The following NCKAP5 variants were observed in gnomAD, a reference collection of about 807,000 sequenced individuals.
NCKAP5 encodes the protein nck-associated protein 5.
Under a neutral mutation model 167.0 loss-of-function variants are expected in NCKAP5, and 92 were observed. That is an observed-to-expected ratio of 0.55 (90% CI 0.47 to 0.66). NCKAP5 has a LOEUF of 0.66. NCKAP5 is among the 30% of genes least tolerant of loss of function. The pLI is 0.00. For synonymous variants in NCKAP5, 891 were observed against 877.4 expected, an observed-to-expected ratio of 1.02 and a Z score of -0.27; for missense variants, 2,378 against 2,315.0, an observed-to-expected ratio of 1.03 and a Z score of -0.56.
At chr2:132,811,862 C>A (rs1411873403) in intron 11 of NCKAP5, among the ~76,000 whole-genome samples, 1 of 152,202 alleles carries the variant, frequency 6.6e-6, no homozygotes, top group Admixed American at 6.5e-5. Flanking sequence ...TTACCCCCCG[C>A]TCCTCTGGCC....
chr2:132,738,385 A>T (rs1405959582), intron 16 of NCKAP5, among the ~76,000 whole-genome samples: 2 of 152,192 alleles, frequency 1.3e-5, no homozygotes, highest in African/African-American at 4.8e-5. Flanking sequence ...AGTGTGGCAC[A>T]GTAACTCTGG....
intron 6 of NCKAP5, among the ~76,000 whole-genome samples, chr2:133,049,544 CAAAAAAAAAAAA>C (rs59494014): frequency 1.3e-5 from 1 of 78,298 alleles, no homozygotes; most frequent in East Asian, 3.4e-4. Context: ...GACTCTGTCT[CAAAAAAAAAAAA>C]AAAAAAAAAA....
the NCKAP5 span, among the ~76,000 whole-genome samples, chr2:133,636,908 A>G: frequency 6.6e-6 from 1 of 152,154 alleles, no homozygotes; most frequent in Non-Finnish European, 1.5e-5. Flanking sequence ...TCTGCAAAGG[A>G]AGACAGTATG....
intron 2 of NCKAP5, among the ~76,000 whole-genome samples, chr2:133,537,618 T>C (rs1210152511): frequency 6.6e-6 from 1 of 152,182 alleles, no homozygotes; most frequent in Non-Finnish European, 1.5e-5. Context: ...TATCTCCTTT[T>C]AGCTTCAAAT....
At chr2:132,682,671 G>A (rs1192258971) in intron 19 of NCKAP5, among the ~76,000 whole-genome samples, 1 of 152,150 alleles carries the variant, frequency 6.6e-6, no homozygotes, top group Non-Finnish European at 1.5e-5. Context: ...CAAATTCAGA[G>A]TTATGGATGT....
chr2:132,877,893 A>G (rs772491293), intron 9 of NCKAP5, among the ~76,000 whole-genome samples: 3 of 152,258 alleles, frequency 2.0e-5, no homozygotes, highest in Non-Finnish European at 4.4e-5. Context: ...TACTGGAACC[A>G]GACGAAATGC....
the NCKAP5 span, among the ~76,000 whole-genome samples, chr2:133,624,513 C>A: frequency 1.3e-5 from 2 of 152,142 alleles, no homozygotes; most frequent in East Asian, 1.9e-4. Context: ...ATCCCCCTTC[C>A]TCCCTTGGTG....
At chr2:133,053,888 T>C (rs2079696863) in intron 6 of NCKAP5, among the ~76,000 whole-genome samples, 1 of 152,214 alleles carries the variant, frequency 6.6e-6, no homozygotes, top group South Asian at 2.1e-4. Flanking sequence ...TAAAACACAC[T>C]GCATGCAATC....
intron 10 of NCKAP5, among the ~76,000 whole-genome samples, chr2:132,866,469 C>T (rs1015760046): frequency 6.6e-6 from 1 of 152,148 alleles, no homozygotes; most frequent in Non-Finnish European, 1.5e-5. Context: ...GGGGTACAGT[C>T]CATTCTCCTA....
chr2:132,967,875 G>A (rs182882731), intron 7 of NCKAP5, among the ~76,000 whole-genome samples: 70 of 152,300 alleles, frequency 4.6e-4, no homozygotes, highest in Non-Finnish European at 9.0e-4. Flanking sequence ...GTGTGGTTAG[G>A]GGCAATGTTA....
At chr2:133,608,301 T>C in the NCKAP5 span, among the ~76,000 whole-genome samples, 214 of 152,350 alleles carry the variant, frequency 1.4e-3, 2 homozygotes, top group Admixed American at 2.5e-3. Flanking sequence ...GTCTTCATTC[T>C]GCTTAAGTCC....
intron 11 of NCKAP5, among the ~76,000 whole-genome samples, chr2:132,830,729 G>A (rs1574357295): frequency 1.3e-5 from 2 of 152,160 alleles, no homozygotes; most frequent in South Asian, 4.1e-4. Flanking sequence ...GTTGTTAAAT[G>A]TTAGAACAAC....
intron 16 of NCKAP5, among the ~76,000 whole-genome samples, chr2:132,767,252 T>C (rs1433655863): frequency 6.6e-6 from 1 of 152,142 alleles, no homozygotes; most frequent in Non-Finnish European, 1.5e-5. Flanking sequence ...TTTTTCTTTT[T>C]TTTTCTTTTT....
At chr2:132,679,947 A>C (rs940517912) in intron 19 of NCKAP5, among the ~76,000 whole-genome samples, 2 of 152,160 alleles carry the variant, frequency 1.3e-5, no homozygotes, top group Non-Finnish European at 2.9e-5. Flanking sequence ...ATGCAACTCA[A>C]GTCATTTCTC....
chr2:133,155,977 A>T (rs2083563531), intron 5 of NCKAP5, among the ~76,000 whole-genome samples: 1 of 152,226 alleles, frequency 6.6e-6, no homozygotes, highest in Non-Finnish European at 1.5e-5. Context: ...TCATCCCTCC[A>T]GGTTCAAGTA....
At chr2:132,876,264 T>C (rs772498126) in intron 9 of NCKAP5, among the ~76,000 whole-genome samples, 1 of 152,092 alleles carries the variant, frequency 6.6e-6, no homozygotes, top group South Asian at 2.1e-4. Context: ...TTTATGATTT[T>C]ATTTTTTTTA....
At chr2:133,104,648 C>T (rs2081623483) in intron 6 of NCKAP5, among the ~76,000 whole-genome samples, 1 of 152,242 alleles carries the variant, frequency 6.6e-6, no homozygotes, top group Non-Finnish European at 1.5e-5. Flanking sequence ...CCAACTTCCC[C>T]TTTGCCATGG....
chr2:133,583,485 T>G, the NCKAP5 span, among the ~76,000 whole-genome samples: 1 of 152,228 alleles, frequency 6.6e-6, no homozygotes, highest in Admixed American at 6.5e-5. Flanking sequence ...CTGTAAGCCC[T>G]GCACTGCTGT....
At chr2:132,878,462 C>T (rs1691465871) in intron 9 of NCKAP5, among the ~76,000 whole-genome samples, 1 of 152,012 alleles carries the variant, frequency 6.6e-6, no homozygotes, top group Non-Finnish European at 1.5e-5. Flanking sequence ...CAGCATGCCC[C>T]GACATGGTTC....
Sources: gnomAD v4.1 joint callset for allele counts (sites outside exome capture counted in the v4.1 genomes callset) on GRCh38, gnomAD v4.1.1 for gene constraint, MANE v1.5 for transcripts, NCBI Gene and HGNC (gene_info 2026-07-23, HGNC 2026-07-21) for gene names.